The following WDR89 variants were observed in gnomAD, a reference collection of about 807,000 sequenced individuals.
The protein encoded by WDR89 is WD repeat-containing protein 89.
Under a neutral mutation model 29.1 loss-of-function variants are expected in WDR89, and 17 were observed. The observed-to-expected ratio is 0.58, with a 90% confidence interval of 0.40 to 0.88. The LOEUF is 0.88. WDR89 is among the 40% of genes least tolerant of loss of function. The pLI is 0.00. For missense variants in WDR89, 396 were observed against 456.3 expected (o/e 0.87, Z 1.20); for synonymous variants, 138 against 157.8 (o/e 0.87, Z 0.94).
chr14:63,598,178 A>G lies in WDR89; in HGVS notation c.*601T>C, dbSNP rs867581171. 2.5e-4 allele frequency: 38 copies of G among 152,324 alleles called. 1 individual carries two copies. Among genetic ancestry groups the G allele is most frequent in the African/African-American group, 8.9e-4 (37 of 41,590 alleles). The allele number at this position is 152,324 out of a possible 1,614,324, so 9.4% of individuals were successfully genotyped here. A position where few individuals can be genotyped will look rare whatever the true frequency, so the allele number is the denominator to read the frequency against. On this transcript the variant is annotated 3_prime_UTR_variant, in exon 3 of 3. Transcript: ENST00000620954. ...CAAGATAACTTCCTTTCAATCAGCA[A>G]AACACCTGTTTACTACTTACTAACA...
chr14:63,629,555 G>A (rs1391999622), intron 1 of WDR89, among the ~76,000 whole-genome samples: 1 of 152,156 alleles, frequency 6.6e-6, no homozygotes, highest in Non-Finnish European at 1.5e-5. Context: ...CACAATGTCT[G>A]TTACTCATGT....
intron 2 of WDR89, among the ~76,000 whole-genome samples, chr14:63,623,197 CAAAAAAAAA>C (rs35075730): frequency 1.4e-5 from 1 of 71,750 alleles, no homozygotes; most frequent in Non-Finnish European, 3.2e-5. Context: ...AACCAGGTCT[CAAAAAAAAA>C]AAAAAAAAAA....
chr14:63,599,783 T>C lies in WDR89; in HGVS notation c.160A>G (p.Ile54Val), dbSNP rs1894971720. Residue 54 changes from isoleucine (I) to valine (V), a missense_variant, in exon 3 of 3, where the codon ATA (isoleucine) becomes GTA (valine). Ile to Val is a conservative substitution (Grantham distance 29, BLOSUM62 3). Coordinates refer to ENST00000620954, the MANE Select transcript of WDR89 (RefSeq NM_080666.4). ...AVLCSNGSIR[I>V]YDKERLNVLR... is the part of the protein sequence containing the mutation. ...ACATTTAACCTTTCTTTATCATATA[T>C]TCTGATTGATCCATTAGAACATAAA... The C allele has an allele frequency of 1.9e-6, 3 of 1,614,054 alleles. No individual in the cohort carries two copies. In the South Asian group the frequency reaches 3.3e-5, roughly 18 times the overall value.
At chr14:63,641,524 A>C (rs1223709376) in intron 1 of WDR89, 3 of 152,280 alleles carry the variant, frequency 2.0e-5, no homozygotes, top group African/African-American at 7.2e-5. Flanking sequence ...GCTTTTATTG[A>C]AAAACGCCCC....
intron 2 of WDR89, among the ~76,000 whole-genome samples, chr14:63,614,703 G>A (rs1487240280): frequency 1.3e-5 from 2 of 152,196 alleles, no homozygotes; most frequent in Non-Finnish European, 2.9e-5. Flanking sequence ...TTAGAGAAAT[G>A]TATGTGTATG....
At chr14:63,609,916 C>A (rs546352862) in intron 2 of WDR89, among the ~76,000 whole-genome samples, 1 of 152,112 alleles carries the variant, frequency 6.6e-6, no homozygotes, top group African/African-American at 2.4e-5. Flanking sequence ...AGATTCTTAT[C>A]TTGGATACCA....
At position 63,605,201 on chromosome 14, in the gene WDR89, TACATAC is replaced by T. The variant is rs200609937; in HGVS notation, c.-31-5234_-31-5229del. ...ATATATACACACACACACACATATA[TACATAC>T]ACATACACACACACACACACACACA... On this transcript the variant is annotated intron_variant, in intron 2 of 2. Coordinates refer to ENST00000620954, the MANE Select transcript of WDR89 (RefSeq NM_080666.4). Among the ~76,000 whole-genome samples, 541 of 116,496 alleles carry T rather than the reference TACATAC, an allele frequency of 4.6e-3. 4 individuals carry two copies. The highest frequency in any genetic ancestry group is 0.033 in the East Asian group (108 of 3,280). 76.4% of individuals were successfully genotyped at this position (116,496 alleles called of 152,430 possible).
At chr14:63,618,385 A>G (rs1882452207) in intron 2 of WDR89, among the ~76,000 whole-genome samples, 1 of 151,966 alleles carries the variant, frequency 6.6e-6, no homozygotes, top group Non-Finnish European at 1.5e-5. Flanking sequence ...AAACTCCTGG[A>G]CTCAAGCAAT....
intron 1 of WDR89, among the ~76,000 whole-genome samples, chr14:63,633,250 T>A (rs1883522340): frequency 6.6e-6 from 1 of 152,026 alleles, no homozygotes. Flanking sequence ...AGTATATATA[T>A]ATATTTATGT....
intron 1 of WDR89, among the ~76,000 whole-genome samples, chr14:63,631,199 C>T (rs1380147766): frequency 1.3e-5 from 2 of 152,186 alleles, no homozygotes; most frequent in African/African-American, 4.8e-5. Flanking sequence ...ATCAAAACAT[C>T]ACACTATATC....
chr14:63,611,345 A>G, intron 2 of WDR89, among the ~76,000 whole-genome samples: 1 of 150,882 alleles, frequency 6.6e-6, no homozygotes. Flanking sequence ...CAAAAAAAAA[A>G]AAAAAAAAAA....
At chr14:63,631,522 C>T (rs929615910) in intron 1 of WDR89, among the ~76,000 whole-genome samples, 6 of 151,848 alleles carry the variant, frequency 4.0e-5, no homozygotes, top group African/African-American at 7.3e-5. Flanking sequence ...CACACAACCA[C>T]GCCTGGCCAA....
chr14:63,616,535 G>A (rs983318604), intron 2 of WDR89, among the ~76,000 whole-genome samples: 1 of 152,188 alleles, frequency 6.6e-6, no homozygotes, highest in East Asian at 1.9e-4. Context: ...CTTCCCCCAT[G>A]AGGTGACATT....
chr14:63,607,859 C>A (rs1881678104), intron 2 of WDR89, among the ~76,000 whole-genome samples: 5 of 130,320 alleles, frequency 3.8e-5, no homozygotes, highest in African/African-American at 1.2e-4. Flanking sequence ...CCAGCCTGGG[C>A]AACAAGAGCG....
chr14:63,625,089 ACT>A (rs1384354478), intron 1 of WDR89, 56 bp from the exon 2 acceptor site: 1 of 151,754 alleles, frequency 6.6e-6, no homozygotes. Context: ...AACAACAAAG[ACT>A]CTCCCTCCCC....
At chr14:63,626,715 C>A (rs1342062256) in intron 1 of WDR89, among the ~76,000 whole-genome samples, 4 of 134,628 alleles carry the variant, frequency 3.0e-5, no homozygotes, top group Non-Finnish European at 3.2e-5. Context: ...AAAAAAGTTC[C>A]GTCTTACTAA....
chr14:63,641,761 G>C (rs1884160260), intron 1 of WDR89, 43 bp downstream of exon 1: 1 of 152,594 alleles, frequency 6.6e-6, no homozygotes, highest in African/African-American at 2.4e-5. Flanking sequence ...CGAGAGGGCT[G>C]CCCATCCCGG....
At chr14:63,619,383 T>C (rs1307387585) in intron 2 of WDR89, among the ~76,000 whole-genome samples, 1 of 152,162 alleles carries the variant, frequency 6.6e-6, no homozygotes, top group African/African-American at 2.4e-5. Context: ...AAATGCTATT[T>C]AGCTTAGTCT....
intron 1 of WDR89, among the ~76,000 whole-genome samples, chr14:63,627,871 G>C (rs1223194938): frequency 1.3e-5 from 2 of 152,022 alleles, no homozygotes; most frequent in Non-Finnish European, 2.9e-5. Flanking sequence ...AGGATCGCTT[G>C]AGCCCAGGAG....
Sources: allele counts gnomAD v4.1 joint callset (sites outside exome capture counted in the v4.1 genomes callset), GRCh38; gene constraint gnomAD v4.1.1; transcripts MANE v1.5; gene names NCBI Gene and HGNC (gene_info 2026-07-23, HGNC 2026-07-21).